RFTN1: variants seen among roughly 807,000 people sequenced by gnomAD.
RFTN1 encodes the protein raftlin, lipid raft linker 1, also known as raftlin.
In RFTN1, 26 loss-of-function variants were observed where a neutral mutation model predicts 46.5. That is an observed-to-expected ratio of 0.56 (90% CI 0.41 to 0.78). The LOEUF is 0.78. Ranked by LOEUF, RFTN1 falls within the 30% of genes least tolerant of loss-of-function variation. The pLI is 0.00. For synonymous variants in RFTN1, 261 were observed against 284.2 expected, an observed-to-expected ratio of 0.92 and a Z score of 0.82; for missense variants, 693 against 718.7, an observed-to-expected ratio of 0.96 and a Z score of 0.41.
intron 2 of RFTN1, among the ~76,000 whole-genome samples, chr3:16,438,671 A>G (rs1215600545): frequency 6.7e-6 from 1 of 149,982 alleles, no homozygotes; most frequent in African/African-American, 2.4e-5. Flanking sequence ...AACCCCAGTC[A>G]TGTGAACACT....
rs1010854526 is a variant in RFTN1, at chr3:16,480,377, C to T, written c.145+13348G>A. Among the ~76,000 whole-genome samples the T allele has an allele frequency of 2.6e-5, 4 of 152,174 alleles. No individual in the cohort carries two copies. The highest frequency in any genetic ancestry group is 9.7e-5 in the African/African-American group (4 of 41,418). On this transcript the variant is annotated intron_variant, in intron 2 of 9. Coordinates refer to ENST00000334133, the MANE Select transcript of RFTN1 (RefSeq NM_015150.2). This position sits in a 1 kb window ranked among gnomAD's most constrained non-coding sequence, Gnocchi z 4.3. ...GCTGTCAAACTAATGTGTACTCCTCCTGATAAATCATGTGTATGTACCTGC... is the reference window on the plus strand; with the variant it reads ...GCTGTCAAACTAATGTGTACTCCTCTTGATAAATCATGTGTATGTACCTGC...
chr3:16,325,151 C>T (rs138908849), intron 8 of RFTN1, among the ~76,000 whole-genome samples: 5 of 152,320 alleles, frequency 3.3e-5, no homozygotes, highest in South Asian at 2.1e-4. Flanking sequence ...TTTTGTGTAG[C>T]GGCTAGGCTG....
At chr3:16,445,578 A>G (rs1374690011) in intron 2 of RFTN1, among the ~76,000 whole-genome samples, 2 of 151,440 alleles carry the variant, frequency 1.3e-5, no homozygotes, top group Non-Finnish European at 2.9e-5. Context: ...AGCACTCAAA[A>G]TGTGGCCAGT....
intron 7 of RFTN1, among the ~76,000 whole-genome samples, chr3:16,355,811 G>A (rs1447835847): frequency 6.6e-6 from 1 of 152,212 alleles, no homozygotes; most frequent in African/African-American, 2.4e-5. Context: ...TGGTCCTGCA[G>A]TCACATTAAT....
rs66657696 is a variant in RFTN1, at chr3:16,410,212, TACACACACACACACACACACACAC to T, written c.333-753_333-730del. Among the ~76,000 whole-genome samples the T allele has an allele frequency of 2.1e-5, 3 of 141,202 alleles. No homozygotes were observed. The highest frequency in any genetic ancestry group is 4.6e-5 in the Non-Finnish European group (3 of 65,556). 92.6% of individuals were successfully genotyped at this position (141,202 alleles called of 152,430 possible). ...TTGGTACAATACAGCTTACATGTTA[TACACACACACACACACACACACAC>T]ACACACACACACACACACACACAAA... On this transcript the variant is annotated intron_variant, in intron 3 of 9. Transcript: ENST00000334133. This position sits in a 1 kb window ranked among gnomAD's most constrained non-coding sequence, Gnocchi z 4.6.
At chr3:16,347,778 G>A (rs1258552963) in intron 7 of RFTN1, 1 of 152,172 alleles carries the variant, frequency 6.6e-6, no homozygotes, top group Non-Finnish European at 1.5e-5. Flanking sequence ...TTATTATAAA[G>A]CCTCCAATAA....
In RFTN1 at chr3:16,329,527, T is replaced by C. The variant is rs1432839508; in HGVS notation, c.1147-2651A>G. ...GCCCAGCAGTTGTGACCATCCTTTC[T>C]GCCTGGCCTCTGGGCACACGCACAC... On this transcript the variant is annotated intron_variant, in intron 7 of 9. Transcript: ENST00000334133. This position sits in a 1 kb window ranked among gnomAD's most constrained non-coding sequence, Gnocchi z 4.5. 6.6e-6 allele frequency among the ~76,000 whole-genome samples: 1 copy of C among 152,166 alleles called. No individual in the cohort carries two copies. The highest frequency in any genetic ancestry group is 1.5e-5 in the Non-Finnish European group (1 of 68,024).
chr3:16,511,518 C>A (rs776346685), intron 1 of RFTN1, among the ~76,000 whole-genome samples: 3 of 152,116 alleles, frequency 2.0e-5, no homozygotes, highest in Non-Finnish European at 4.4e-5. Flanking sequence ...GGTCACTGTT[C>A]TTGCAACTTT....
At chr3:16,430,167 C>A (rs186278943) in intron 3 of RFTN1, among the ~76,000 whole-genome samples, 1 of 152,230 alleles carries the variant, frequency 6.6e-6, no homozygotes, top group African/African-American at 2.4e-5. Context: ...GGCTGAAGTG[C>A]AATAACACAG....
chr3:16,470,977 T>A (rs17042323), intron 2 of RFTN1, among the ~76,000 whole-genome samples: 3,220 of 152,262 alleles, frequency 0.021, 135 homozygotes, highest in African/African-American at 0.073. Flanking sequence ...CACAGAGTTG[T>A]TAAAGGTAAA....
rs1376809623 is a variant in RFTN1, at chr3:16,335,856, G to A, written c.1147-8980C>T. Among the ~76,000 whole-genome samples the A allele has an allele frequency of 1.3e-5, 2 of 152,140 alleles. No homozygotes were observed. The highest frequency in any genetic ancestry group is 6.5e-5 in the Admixed American group (1 of 15,280). On this transcript the variant is annotated intron_variant, in intron 7 of 9. Transcript: ENST00000334133. This position sits in a 1 kb window ranked among gnomAD's most constrained non-coding sequence, Gnocchi z 4.7. ...CAAGTCACAAGGAGCCTGGAAACTG[G>A]ATGGATGGATGGTGAGGTCTCAGGA... is the stretch of plus-strand genomic sequence containing the variant.
chr3:16,449,054 A>G lies in RFTN1; in HGVS notation c.146-15017T>C, dbSNP rs1052787897. On this transcript the variant is annotated intron_variant, in intron 2 of 9. Transcript: ENST00000334133. This position sits in a 1 kb window ranked among gnomAD's most constrained non-coding sequence, Gnocchi z 5.1. ...CGTGTGGTATTAATGTTTCAACTTA[A>G]CATAGTTTTCCCCTTCCTGTACTTT... is the stretch of plus-strand genomic sequence containing the variant. Among the ~76,000 whole-genome samples the G allele has an allele frequency of 6.6e-6, 1 of 152,222 alleles. No individual in the cohort carries two copies. Among genetic ancestry groups the G allele is most frequent in the African/African-American group, 2.4e-5 (1 of 41,454 alleles).
chr3:16,399,070 CTA>C (rs1441752363), intron 4 of RFTN1, among the ~76,000 whole-genome samples: 6 of 152,196 alleles, frequency 3.9e-5, no homozygotes, highest in Non-Finnish European at 5.9e-5. Flanking sequence ...TCTGATTTAA[CTA>C]TAAGTCATTT....
At chr3:16,495,951 A>G (rs2076618789) in intron 1 of RFTN1, among the ~76,000 whole-genome samples, 1 of 152,244 alleles carries the variant, frequency 6.6e-6, no homozygotes, top group Admixed American at 6.5e-5. Context: ...TTAGCCATGT[A>G]AACAAATATG....
chr3:16,323,984 C>G (rs920750222), intron 8 of RFTN1, among the ~76,000 whole-genome samples: 3 of 152,200 alleles, frequency 2.0e-5, no homozygotes, highest in African/African-American at 7.2e-5. Context: ...TTAACCAGCT[C>G]TGGCTCACAT....
chr3:16,482,211 C>T (rs2076377302), intron 2 of RFTN1, among the ~76,000 whole-genome samples: 1 of 152,166 alleles, frequency 6.6e-6, no homozygotes, highest in South Asian at 2.1e-4. Context: ...CAAGCTGCGG[C>T]TCTGTAAGAC....
intron 5 of RFTN1, among the ~76,000 whole-genome samples, chr3:16,371,845 T>C (rs2073517147): frequency 6.6e-6 from 1 of 152,168 alleles, no homozygotes; most frequent in East Asian, 1.9e-4. Context: ...AGAAATTAGG[T>C]CTTGGTGTAT....
At chr3:16,360,327 A>G (rs1262762712) in intron 6 of RFTN1, among the ~76,000 whole-genome samples, 1 of 151,926 alleles carries the variant, frequency 6.6e-6, no homozygotes, top group African/African-American at 2.4e-5. Context: ...ACATGCCACC[A>G]CCCCAGCTAA....
In RFTN1 at chr3:16,458,898, A is replaced by G. The variant is rs114065111; in HGVS notation, c.146-24861T>C. ...GAAAACATGGTGCTTAGCTTCACGAATTCCCTAAAAGTTACAACCCAGGGC... is the reference window on the plus strand; with the variant it reads ...GAAAACATGGTGCTTAGCTTCACGAGTTCCCTAAAAGTTACAACCCAGGGC... On this transcript the variant is annotated intron_variant, in intron 2 of 9. Coordinates refer to ENST00000334133, the MANE Select transcript of RFTN1 (RefSeq NM_015150.2). This position sits in a 1 kb window ranked among gnomAD's most constrained non-coding sequence, Gnocchi z 5.1. 7.7e-3 allele frequency among the ~76,000 whole-genome samples: 1,178 copies of G among 152,210 alleles called. 18 individuals are homozygous for G. Among genetic ancestry groups the G allele is most frequent in the African/African-American group, 0.027 (1,113 of 41,518 alleles).
Sources: gnomAD v4.1 joint callset for allele counts (sites outside exome capture counted in the v4.1 genomes callset) on GRCh38, gnomAD v4.1.1 for gene constraint, Gnocchi (gnomAD v3.1) non-coding constraint, MANE v1.5 for transcripts, NCBI Gene and HGNC (gene_info 2026-07-23, HGNC 2026-07-21) for gene names.